The following CCDC178 variants were observed in gnomAD, a reference collection of about 807,000 sequenced individuals.
CCDC178 encodes coiled-coil domain-containing protein 178.
In CCDC178, 126 loss-of-function variants were observed where a neutral mutation model predicts 117.4. The ratio of observed to expected loss-of-function variants is 1.07; its 90% CI spans 0.93 to 1.24. The LOEUF (loss-of-function observed/expected upper bound fraction) is 1.24. CCDC178 is among the 50% of genes most tolerant of loss of function. The probability of loss-of-function intolerance (pLI) is 0.00; values close to 1 mark genes in which losing one functional copy is unlikely to be tolerated. For synonymous variants in CCDC178, 283 were observed against 313.4 expected, an observed-to-expected ratio of 0.90 and a Z score of 1.02; for missense variants, 1,030 against 986.9, an observed-to-expected ratio of 1.04 and a Z score of -0.59.
chr18:32,958,238 T>C (rs1361562900), intron 22 of CCDC178: 1 of 554,782 alleles, frequency 1.8e-6, no homozygotes, highest in Non-Finnish European at 3.3e-6. Context: ...AACAAAAACA[T>C]AGTTAGTGAT....
intron 11 of CCDC178, among the ~76,000 whole-genome samples, chr18:33,319,797 G>A (rs1213103102): frequency 1.3e-5 from 2 of 152,160 alleles, no homozygotes; most frequent in Admixed American, 1.3e-4. Context: ...CAGTGATGAT[G>A]AGCATTTTTT....
intron 20 of CCDC178, among the ~76,000 whole-genome samples, chr18:33,122,393 G>A (rs1401613913): frequency 6.6e-6 from 1 of 151,974 alleles, no homozygotes; most frequent in Non-Finnish European, 1.5e-5. Flanking sequence ...GAGACAGAAG[G>A]TATAAAAATC....
intron 21 of CCDC178, among the ~76,000 whole-genome samples, chr18:32,997,478 A>G (rs1328830853): frequency 1.3e-5 from 2 of 152,160 alleles, no homozygotes; most frequent in Non-Finnish European, 2.9e-5. Context: ...GCAAGTTTTC[A>G]TTGGATGTTC....
At chr18:33,323,296 T>C (rs2062539232) in intron 11 of CCDC178, 195 bp downstream of exon 11, 8 of 326,380 alleles carry the variant, frequency 2.5e-5, no homozygotes, top group Non-Finnish European at 4.3e-5. Context: ...TTTAGGGATT[T>C]ATGCACAAAT....
chr18:33,353,498 A>C (rs2144703765), intron 7 of CCDC178, among the ~76,000 whole-genome samples: 1 of 151,980 alleles, frequency 6.6e-6, no homozygotes, highest in South Asian at 2.1e-4. Context: ...CTTATTTGTA[A>C]CTAGTTGATT....
At chr18:33,382,083 C>T (rs940919288) in intron 5 of CCDC178, among the ~76,000 whole-genome samples, 1 of 152,086 alleles carries the variant, frequency 6.6e-6, no homozygotes, top group African/African-American at 2.4e-5. Flanking sequence ...AAGATTTCCA[C>T]TGGACATACA....
intron 14 of CCDC178, among the ~76,000 whole-genome samples, chr18:33,261,209 A>G (rs977371052): frequency 5.3e-5 from 8 of 152,004 alleles, no homozygotes; most frequent in Non-Finnish European, 1.0e-4. Flanking sequence ...TCAGCCTCCT[A>G]AGTAGCTGGG....
chr18:33,007,557 A>G (rs2055776883), intron 21 of CCDC178, among the ~76,000 whole-genome samples: 1 of 152,066 alleles, frequency 6.6e-6, no homozygotes, highest in African/African-American at 2.4e-5. Flanking sequence ...ACTGGGACCC[A>G]AAGTCAAGGA....
In CCDC178 at chr18:33,166,296, T is replaced by G. The variant is rs190147446; in HGVS notation, c.2238+45600A>C. Among the ~76,000 whole-genome samples the G allele has an allele frequency of 2.1e-3, 326 of 152,286 alleles. 3 individuals carry two copies. Among genetic ancestry groups the G allele is most frequent in the Non-Finnish European group, 2.3e-3 (157 of 68,020 alleles). Reference sequence around the variant, plus strand: ...ATATTGTTTTCAAATCTTTAAAAAATTCAGTATTTTCTGAATATGTTTATA... The same window carrying G: ...ATATTGTTTTCAAATCTTTAAAAAAGTCAGTATTTTCTGAATATGTTTATA... On this transcript the variant is annotated intron_variant, in intron 20 of 22. Transcript: ENST00000383096.
intron 22 of CCDC178, among the ~76,000 whole-genome samples, chr18:32,951,703 C>A (rs574308306): frequency 7.1e-4 from 108 of 152,184 alleles, no homozygotes; most frequent in Non-Finnish European, 1.4e-3. Flanking sequence ...TTCCAACAGT[C>A]CCCCAAAGTC....
rs553521737 is a variant in CCDC178, at chr18:33,252,150, T to C, written c.1410-6722A>G. On this transcript the variant is annotated intron_variant, in intron 14 of 22. Transcript: ENST00000383096. ...ATTAAAATTGAGACCAGGAAATAAC[T>C]CAATTCTTGGAAATGACAAAAACAG... Among the ~76,000 whole-genome samples the C allele has an allele frequency of 2.6e-5, 4 of 151,776 alleles. No homozygotes were observed. The East Asian group carries it at 7.8e-4, about 29-fold the overall frequency.
At chr18:33,309,188 CAA>C (rs56164801) in intron 11 of CCDC178, among the ~76,000 whole-genome samples, 11,655 of 143,264 alleles carry the variant, frequency 0.081, 455 homozygotes, top group East Asian at 0.14. Flanking sequence ...TGTTTTTTGA[CAA>C]AAAAAAAAAA....
intron 20 of CCDC178, among the ~76,000 whole-genome samples, chr18:33,179,287 A>G (rs186775621): frequency 1.2e-3 from 175 of 150,872 alleles, no homozygotes; most frequent in African/African-American, 4.2e-3. Context: ...AGAGAGAAAA[A>G]GAGCATAAAA....
intron 21 of CCDC178, among the ~76,000 whole-genome samples, chr18:33,002,959 C>T (rs948127783): frequency 1.3e-5 from 2 of 152,060 alleles, no homozygotes; most frequent in Admixed American, 1.3e-4. Context: ...TACATACAAC[C>T]TATCAAGATT....
chr18:33,316,239 G>C (rs551433523), intron 11 of CCDC178, among the ~76,000 whole-genome samples: 5 of 152,306 alleles, frequency 3.3e-5, no homozygotes, highest in African/African-American at 1.2e-4. Flanking sequence ...GAGAGGCGCC[G>C]GCGGGAACCG....
intron 5 of CCDC178, among the ~76,000 whole-genome samples, chr18:33,378,825 G>A (rs1011095649): frequency 6.6e-6 from 1 of 152,026 alleles, no homozygotes; most frequent in Non-Finnish European, 1.5e-5. Context: ...ATGTGCTGCT[G>A]GATTCAGTTT....
intron 20 of CCDC178, among the ~76,000 whole-genome samples, chr18:33,103,365 A>G (rs963128589): frequency 6.6e-6 from 1 of 151,706 alleles, no homozygotes; most frequent in Non-Finnish European, 1.5e-5. Flanking sequence ...TTATGGGAGT[A>G]CAATTCAATA....
intron 21 of CCDC178, among the ~76,000 whole-genome samples, chr18:33,010,507 C>A (rs1327720091): frequency 6.6e-6 from 1 of 152,104 alleles, no homozygotes; most frequent in African/African-American, 2.4e-5. Flanking sequence ...ATATTTCAGA[C>A]CAAATATTAA....
chr18:33,124,501 A>T (rs1201124594), intron 20 of CCDC178, among the ~76,000 whole-genome samples: 8 of 152,128 alleles, frequency 5.3e-5, no homozygotes, highest in Non-Finnish European at 1.2e-4. Flanking sequence ...TAAATTATTT[A>T]TTTTCTAGTT....
Sources: gnomAD v4.1 joint callset for allele counts (sites outside exome capture counted in the v4.1 genomes callset) on GRCh38, gnomAD v4.1.1 for gene constraint, MANE v1.5 for transcripts, NCBI Gene and HGNC (gene_info 2026-07-23, HGNC 2026-07-21) for gene names.